The following TECR variants were observed in gnomAD, a reference collection of about 807,000 sequenced individuals.
The protein encoded by TECR is trans-2,3-enoyl-CoA reductase, also known as very-long-chain enoyl-CoA reductase.
Under a neutral mutation model 50.6 loss-of-function variants are expected in TECR, and 19 were observed. That is an observed-to-expected ratio of 0.38 (90% confidence interval 0.26 to 0.55). The LOEUF (loss-of-function observed/expected upper bound fraction) is 0.55, where lower values mean the gene tolerates loss of function less well. Ranked by LOEUF, TECR falls within the 20% of genes least tolerant of loss-of-function variation. The probability of loss-of-function intolerance (pLI) is 0.79; values close to 1 mark genes in which losing one functional copy is unlikely to be tolerated. For synonymous variants in TECR, 168 were observed against 163.5 expected, an observed-to-expected ratio of 1.03 and a Z score of -0.21; for missense variants, 313 against 408.3, an observed-to-expected ratio of 0.77 and a Z score of 2.01.
chr19:14,557,886 G>A (rs2073785998), intron 1 of TECR, among the ~76,000 whole-genome samples: 1 of 152,070 alleles, frequency 6.6e-6, no homozygotes, highest in African/African-American at 2.4e-5. Flanking sequence ...CTCCCGAGTA[G>A]CTGGGACTAC....
chr19:14,529,658 G>A lies in TECR; in HGVS notation c.-39G>A. 1.2e-6 allele frequency: 2 copies of A among 1,613,858 alleles called. No individual in the cohort carries two copies. Among genetic ancestry groups the A allele is most frequent in the African/African-American group, 1.3e-5 (1 of 75,084 alleles). ...CTGTGCTGTGCCGCGCAGTTAGGCA[G>A]CAGCAGCCGCGGAGCAGTAGCCGCC... On this transcript the variant is annotated 5_prime_UTR_variant, in exon 1 of 13. Transcript: ENST00000215567.
intron 1 of TECR, among the ~76,000 whole-genome samples, chr19:14,545,453 C>T (rs748099448): frequency 3.9e-5 from 6 of 152,134 alleles, no homozygotes; most frequent in African/African-American, 1.2e-4. Flanking sequence ...ATCGTGACCC[C>T]GTATTATGTA....
chr19:14,529,313 T>A (rs2072518694), upstream of TECR: 1 of 405,112 alleles, frequency 2.5e-6, no homozygotes, highest in Non-Finnish European at 4.7e-6. Context: ...TCGCTTACCT[T>A]GGTTTCCACA....
intron 1 of TECR, 131 bp downstream of exon 1, chr19:14,529,842 C>G (rs2072552389): frequency 4.6e-6 from 6 of 1,290,658 alleles, no homozygotes; most frequent in African/African-American, 1.5e-5. Flanking sequence ...GCGCAGTGGG[C>G]AAGCGTTGCG....
At chr19:14,529,771 G>A in intron 1 of TECR, 60 bp downstream of exon 1, 1 of 1,612,064 alleles carries the variant, frequency 6.2e-7, no homozygotes, top group South Asian at 1.1e-5. Flanking sequence ...TTCCTTCTTT[G>A]CGGGACCACG....
In TECR at chr19:14,563,323, G is replaced by C. The variant is rs563728766; in HGVS notation, c.118+66G>C. The C allele has an allele frequency of 6.3e-6, 9 of 1,420,374 alleles. No homozygotes were observed. Among genetic ancestry groups the C allele is most frequent in the Admixed American group, 1.7e-5 (1 of 59,438 alleles). The allele number at this position is 1,420,374 out of a possible 1,614,324, so 88.0% of individuals were successfully genotyped here. On this transcript the variant is annotated intron_variant, in intron 3 of 12. Transcript: ENST00000215567. This position sits in a 1 kb window ranked among gnomAD's most constrained non-coding sequence, Gnocchi z 5.3. ...TGACCAGGGACCTTAGGGTGGGAGGGATCCCATCCTGCACCCCTCTCCCAG... is the reference window on the plus strand; with the variant it reads ...TGACCAGGGACCTTAGGGTGGGAGGCATCCCATCCTGCACCCCTCTCCCAG...
At chr19:14,533,250 G>A (rs1419910941) in intron 1 of TECR, among the ~76,000 whole-genome samples, 2 of 151,964 alleles carry the variant, frequency 1.3e-5, no homozygotes, top group African/African-American at 2.4e-5. Flanking sequence ...ATGAAACTCC[G>A]TCTCTACAAA....
intron 1 of TECR, among the ~76,000 whole-genome samples, chr19:14,557,224 C>T (rs1417415399): frequency 6.6e-6 from 1 of 151,652 alleles, no homozygotes. Context: ...ACTGCAACCT[C>T]CACCGTCCTG....
chr19:14,555,534 C>T (rs763165390), intron 1 of TECR, among the ~76,000 whole-genome samples: 1 of 144,752 alleles, frequency 6.9e-6, no homozygotes, highest in Non-Finnish European at 1.5e-5. Flanking sequence ...CAACCTCCAT[C>T]TCCTGGGTTT....
At chr19:14,548,687 C>T (rs1326564320) in intron 1 of TECR, among the ~76,000 whole-genome samples, 1 of 152,020 alleles carries the variant, frequency 6.6e-6, no homozygotes, top group Admixed American at 6.6e-5. Flanking sequence ...AAGCAATTCT[C>T]CTGTCTCAGC....
chr19:14,562,689 G>GC, intron 2 of TECR, 114 bp downstream of exon 2: 1 of 1,215,060 alleles, frequency 8.2e-7, no homozygotes, highest in Non-Finnish European at 1.2e-6. Flanking sequence ...CTGCCCTATG[G>GC]AGGGGTATGC....
At chr19:14,530,277 T>C (rs1373248669) in intron 1 of TECR, 1 of 162,420 alleles carries the variant, frequency 6.2e-6, no homozygotes, top group African/African-American at 2.4e-5. Context: ...ACGTCAACCC[T>C]TGGGTGTCAC....
chr19:14,535,553 T>A (rs2072853948), intron 1 of TECR, among the ~76,000 whole-genome samples: 1 of 8,164 alleles, frequency 1.2e-4, no homozygotes, highest in Non-Finnish European at 2.3e-4. Context: ...AATATATATA[T>A]ATATATATAT....
chr19:14,565,588 C>T, intron 11 of TECR, 30 bp from the exon 12 acceptor site: 1 of 1,602,568 alleles, frequency 6.2e-7, no homozygotes, highest in Non-Finnish European at 8.5e-7. Flanking sequence ...TGCGAGGCTG[C>T]CCACGCTCAC....
chr19:14,550,982 C>G (rs2073480800), intron 1 of TECR, among the ~76,000 whole-genome samples: 1 of 150,898 alleles, frequency 6.6e-6, no homozygotes, highest in African/African-American at 2.4e-5. Flanking sequence ...GCTCCTTTTA[C>G]TTATGAGGAC....
At chr19:14,558,311 A>G (rs547119991) in intron 1 of TECR, among the ~76,000 whole-genome samples, 1 of 151,860 alleles carries the variant, frequency 6.6e-6, no homozygotes, top group Non-Finnish European at 1.5e-5. Context: ...TCCTGCCCCC[A>G]TTAGTAATAT....
Position 14,529,776 on chromosome 19 carries a change from A to G in TECR, c.15+65A>G, listed in dbSNP as rs2072546541. 16 of 1,609,882 alleles carry G rather than the reference A, an allele frequency of 9.9e-6. No individual in the cohort carries two copies. The East Asian group carries it at 3.6e-4, about 36-fold the overall frequency. ...CCCATTCTTTTTCCTTCTTTGCGGG[A>G]CCACGGGACCCCACTTTCTGGTCCT... is the stretch of plus-strand genomic sequence containing the variant. On this transcript the variant is annotated intron_variant, in intron 1 of 12. Transcript: ENST00000215567.
In TECR at chr19:14,558,319, T is replaced by C. The variant is rs193274480; in HGVS notation, c.16-4206T>C. On this transcript the variant is annotated intron_variant, in intron 1 of 12. Coordinates refer to ENST00000215567, the MANE Select transcript of TECR (RefSeq NM_138501.6). Reference sequence around the variant, plus strand: ...TCACTCCTCCTGCCCCCATTAGTAATATCTTCATGACCACAAAGACAGTGA... The same window carrying C: ...TCACTCCTCCTGCCCCCATTAGTAACATCTTCATGACCACAAAGACAGTGA... Among the ~76,000 whole-genome samples the C allele has an allele frequency of 1.8e-4, 27 of 152,226 alleles. No individual in the cohort carries two copies. In the East Asian group the frequency reaches 3.3e-3, roughly 19 times the overall value.
chr19:14,562,359 T>G, intron 1 of TECR, 166 bp from the exon 2 acceptor site: 1 of 739,566 alleles, frequency 1.4e-6, no homozygotes, highest in Non-Finnish European at 2.4e-6. Flanking sequence ...CTGGCCACCG[T>G]GGGCAGAGCC....
Sources: allele counts gnomAD v4.1 joint callset (sites outside exome capture counted in the v4.1 genomes callset), GRCh38; gene constraint gnomAD v4.1.1; non-coding constraint Gnocchi (gnomAD v3.1); transcripts MANE v1.5; gene names NCBI Gene and HGNC (gene_info 2026-07-23, HGNC 2026-07-21).